KDM4B: variants seen among roughly 807,000 people sequenced by gnomAD.
The protein encoded by KDM4B is lysine demethylase 4B, also known as lysine-specific demethylase 4B.
In KDM4B, 32 loss-of-function variants were observed where a neutral mutation model predicts 125.2. That is an observed-to-expected ratio of 0.26 (90% CI 0.19 to 0.34). The LOEUF is 0.34. Ranked by LOEUF, KDM4B falls within the 10% of genes least tolerant of loss-of-function variation. The pLI is 1.00. For missense variants in KDM4B, 1,190 were observed against 1,577.7 expected (o/e 0.75, Z 4.16); for synonymous variants, 721 against 677.9 (o/e 1.06, Z -0.99).
At position 5,142,179 on chromosome 19, in the gene KDM4B, G is replaced by A. The variant is rs568997658; in HGVS notation, c.2551-1788G>A. Among the ~76,000 whole-genome samples the A allele has an allele frequency of 9.2e-5, 14 of 152,220 alleles. No individual in the cohort carries two copies. In the South Asian group the frequency reaches 1.7e-3, roughly 18 times the overall value. ...GGCCTCCGAGGAAGGACACCGAGCC[G>A]GGAACTTCGAACCAAACACCAGTGC... On this transcript the variant is annotated intron_variant, in intron 18 of 22. Transcript: ENST00000159111. This position sits in a 1 kb window ranked among gnomAD's most constrained non-coding sequence, Gnocchi z 5.4.
chr19:5,024,269 G>T (rs1043936593), intron 2 of KDM4B, among the ~76,000 whole-genome samples: 1 of 152,058 alleles, frequency 6.6e-6, no homozygotes, highest in East Asian at 1.9e-4. Flanking sequence ...ACAGGATGCC[G>T]GCCCAGCCCC....
At chr19:5,016,606 A>T (rs1030513639) in intron 2 of KDM4B, among the ~76,000 whole-genome samples, 1 of 152,188 alleles carries the variant, frequency 6.6e-6, no homozygotes, top group Non-Finnish European at 1.5e-5. Context: ...ACTTCTAGAA[A>T]CTGGAAAAGC....
intron 1 of KDM4B, among the ~76,000 whole-genome samples, chr19:4,969,751 A>G: frequency 6.9e-6 from 1 of 145,448 alleles, no homozygotes; most frequent in South Asian, 2.2e-4. Context: ...CTGGACACCC[A>G]GGGATGCCCC....
chr19:5,116,198 C>T (rs969910214), intron 10 of KDM4B, among the ~76,000 whole-genome samples: 5 of 120,544 alleles, frequency 4.1e-5, no homozygotes, highest in African/African-American at 1.3e-4. Flanking sequence ...GCCCAGAGTT[C>T]GAGGTCAGCC....
intron 1 of KDM4B, among the ~76,000 whole-genome samples, chr19:4,974,220 A>AC (rs1314022822): frequency 6.6e-6 from 1 of 151,514 alleles, no homozygotes; most frequent in Non-Finnish European, 1.5e-5. Context: ...ACACCGTGAA[A>AC]CCCCGTCTCT....
At chr19:5,121,275 G>A (rs1006824911) in intron 11 of KDM4B, among the ~76,000 whole-genome samples, 9 of 152,192 alleles carry the variant, frequency 5.9e-5, no homozygotes, top group Admixed American at 2.0e-4. Flanking sequence ...TGCCCCTGAC[G>A]GACCACTTAC....
At chr19:5,136,536 T>C (rs1001129892) in intron 15 of KDM4B, among the ~76,000 whole-genome samples, 1 of 152,116 alleles carries the variant, frequency 6.6e-6, no homozygotes, top group Non-Finnish European at 1.5e-5. Context: ...GGGTTTGAGA[T>C]GTGCCCCCGG....
At chr19:4,986,680 G>A (rs1054071541) in intron 1 of KDM4B, among the ~76,000 whole-genome samples, 13 of 152,198 alleles carry the variant, frequency 8.5e-5, no homozygotes, top group Admixed American at 2.6e-4. Context: ...AACAGGGAGG[G>A]CCTCTCCCAG....
chr19:4,969,908 C>T (rs1192723142), intron 1 of KDM4B, among the ~76,000 whole-genome samples: 1 of 152,028 alleles, frequency 6.6e-6, no homozygotes. Flanking sequence ...AAAAAATCAT[C>T]TTGCTATGCA....
intron 1 of KDM4B, among the ~76,000 whole-genome samples, chr19:5,001,266 G>A (rs186459573): frequency 6.3e-4 from 96 of 152,136 alleles, no homozygotes; most frequent in African/African-American, 2.2e-3. Flanking sequence ...TCAAACTCCC[G>A]GGCTCAAGTG....
At position 5,100,037 on chromosome 19, in the gene KDM4B, C is replaced by T. The variant is rs147097025; in HGVS notation, c.919-10585C>T. Among the ~76,000 whole-genome samples the T allele has an allele frequency of 4.3e-3, 662 of 152,372 alleles. 7 individuals are homozygous for T. The highest frequency in any genetic ancestry group is 0.015 in the African/African-American group (634 of 41,586). On this transcript the variant is annotated intron_variant, in intron 9 of 22. Transcript: ENST00000159111. ...AGTCCCTTCGAAGGCTGCACCCATC[C>T]GTGGTTCTCATTCAGTGCTGCTGGC...
intron 1 of KDM4B, among the ~76,000 whole-genome samples, chr19:5,005,125 C>T (rs761386891): frequency 6.6e-6 from 1 of 152,214 alleles, no homozygotes; most frequent in Non-Finnish European, 1.5e-5. Context: ...CTTGGAGATG[C>T]GTCTGTGCAG....
At chr19:5,074,492 C>A (rs1469668233) in intron 7 of KDM4B, 2 of 152,242 alleles carry the variant, frequency 1.3e-5, no homozygotes, top group Admixed American at 1.3e-4. Context: ...AATGTGCTGG[C>A]GCCTTATTGG....
chr19:5,098,554 G>A (rs2038871610), intron 9 of KDM4B, among the ~76,000 whole-genome samples: 2 of 152,162 alleles, frequency 1.3e-5, no homozygotes, highest in African/African-American at 2.4e-5. Flanking sequence ...GCAGCACGAG[G>A]TTGGTCCATC....
Position 5,131,152 on chromosome 19 carries a change from A to ACAGCTGCCGCCCCCG in KDM4B, c.1394_1408dup (p.Gln465_Pro469dup). The ACAGCTGCCGCCCCCG allele has an allele frequency of 1.3e-6, 2 of 1,555,442 alleles. No homozygotes were observed. Among genetic ancestry groups the ACAGCTGCCGCCCCCG allele is most frequent in the Non-Finnish European group, 1.7e-6 (2 of 1,150,626 alleles). On this transcript the variant is annotated inframe_insertion, in exon 12 of 23. Coordinates refer to ENST00000159111, the MANE Select transcript of KDM4B (RefSeq NM_015015.3). ...AGAAGAGCTTCGGCCTGCTGCCCCC[A>ACAGCTGCCGCCCCCG]CAGCTGCCGCCCCCGCCTGCTCACT... is the stretch of plus-strand genomic sequence containing the variant.
intron 1 of KDM4B, among the ~76,000 whole-genome samples, chr19:4,977,189 T>C (rs2034477129): frequency 6.6e-6 from 1 of 152,212 alleles, no homozygotes; most frequent in African/African-American, 2.4e-5. Flanking sequence ...ATCTCCGCCC[T>C]GCTGGCAGGC....
chr19:5,030,555 G>C lies in KDM4B; in HGVS notation c.-25-2311G>C, dbSNP rs575032515. Among the ~76,000 whole-genome samples, 3 of 152,354 alleles carry C rather than the reference G, an allele frequency of 2.0e-5. No homozygotes were observed. The South Asian group carries it at 6.2e-4, about 32-fold the overall frequency. On this transcript the variant is annotated intron_variant, in intron 2 of 22. Coordinates refer to ENST00000159111, the MANE Select transcript of KDM4B (RefSeq NM_015015.3). ...AGTGGGTTACAGGGAGGCAGGAAGAGGCCATGTGTGCACCGGCCTGCAGAG... is the reference window on the plus strand; with the variant it reads ...AGTGGGTTACAGGGAGGCAGGAAGACGCCATGTGTGCACCGGCCTGCAGAG...
chr19:5,097,553 T>C (rs978253475), intron 9 of KDM4B, among the ~76,000 whole-genome samples: 5 of 152,324 alleles, frequency 3.3e-5, no homozygotes, highest in Admixed American at 2.6e-4. Context: ...GCGCCTGGCC[T>C]GTGCAGGCCT....
At position 5,016,328 on chromosome 19, in the gene KDM4B, C is replaced by T. The variant is rs1599419739; in HGVS notation, c.-37C>T. On this transcript the variant is annotated 5_prime_UTR_variant, in exon 2 of 23. Coordinates refer to ENST00000159111, the MANE Select transcript of KDM4B (RefSeq NM_015015.3). ...TTGGAGCATCTCCACCCAGGAACCT[C>T]GCCATCCAGAAGTAAGTAACACGGG... The T allele has an allele frequency of 1.3e-5, 2 of 152,252 alleles. No individual in the cohort carries two copies. The highest frequency in any genetic ancestry group is 4.1e-4 in the South Asian group (2 of 4,836). 9.4% of individuals were successfully genotyped at this position (152,252 alleles called of 1,614,324 possible).
Sources: gnomAD v4.1 joint callset for allele counts (sites outside exome capture counted in the v4.1 genomes callset) on GRCh38, gnomAD v4.1.1 for gene constraint, Gnocchi (gnomAD v3.1) non-coding constraint, MANE v1.5 for transcripts, NCBI Gene and HGNC (gene_info 2026-07-23, HGNC 2026-07-21) for gene names.